The following PRRX2 variants were observed in gnomAD, a reference collection of about 807,000 sequenced individuals.
PRRX2 encodes paired related homeobox 2.
Under a neutral mutation model 18.0 loss-of-function variants are expected in PRRX2, and 11 were observed. The observed-to-expected ratio is 0.61, with a 90% CI of 0.39 to 1.01. The LOEUF is 1.01. Among genes scored for constraint, PRRX2 ranks in the 50% least tolerant of loss-of-function variants. The pLI is 0.01. For missense variants in PRRX2, 387 were observed against 351.0 expected (o/e 1.10, Z -0.82); for synonymous variants, 177 against 154.8 (o/e 1.14, Z -1.06).
rs1832691762 is a variant in PRRX2, at chr9:129,715,437, A to G, written c.260-3794A>G. ...TAAGACCTCATCTCTACATTAAAAT[A>G]AAAATCAGCTGGGCATGGTGGCAGG... On this transcript the variant is annotated intron_variant, in intron 1 of 3. Transcript: ENST00000372469. The surrounding 1 kb of genome is among the most constrained non-coding windows in gnomAD (Gnocchi z 4.0). Among the ~76,000 whole-genome samples the G allele has an allele frequency of 6.6e-6, 1 of 152,064 alleles. No individual in the cohort carries two copies. The highest frequency in any genetic ancestry group is 1.5e-5 in the Non-Finnish European group (1 of 68,012).
In PRRX2 at chr9:129,690,610, G is replaced by A. The variant is rs187697984; in HGVS notation, c.259+24484G>A. 3.4e-3 allele frequency among the ~76,000 whole-genome samples: 508 copies of A among 151,466 alleles called. 10 individuals carry two copies. Among genetic ancestry groups the A allele is most frequent in the Admixed American group, 0.022 (335 of 15,174 alleles). On this transcript the variant is annotated intron_variant, in intron 1 of 3. Coordinates refer to ENST00000372469, the MANE Select transcript of PRRX2 (RefSeq NM_016307.4). ...CAGTCTCCGCCTCCTGGGTTCAAGC[G>A]ATTCTCCTGCCTCAGCCTCCTGAGT...
At chr9:129,698,332 G>A (rs185705111) in intron 1 of PRRX2, among the ~76,000 whole-genome samples, 1 of 151,944 alleles carries the variant, frequency 6.6e-6, no homozygotes, top group Admixed American at 6.5e-5. Context: ...AAGACCAGGC[G>A]GTGGTGCTGC....
chr9:129,717,361 C>T (rs919863762), intron 1 of PRRX2, among the ~76,000 whole-genome samples: 4 of 152,026 alleles, frequency 2.6e-5, no homozygotes, highest in Admixed American at 6.6e-5. Context: ...TGAGCCACCG[C>T]GCCTGGCCAT....
At position 129,666,120 on chromosome 9, in the gene PRRX2, C is replaced by T; in HGVS notation, c.253C>T (p.Gln85Ter). ...GGSSGSEAAP[Q>*]DGECPSPGRG... ...CAGCAGCGGCAGCGAGGCGGCGCCG[C>T]AGGATGGTGAGTACGGCCGGCCAGG... is the stretch of plus-strand genomic sequence containing the variant. Residue 85 changes from glutamine to a stop codon, truncating the protein, a stop_gained, in exon 1 of 4, where the codon CAG (glutamine) becomes TAG (stop). Transcript: ENST00000372469. LOFTEE classifies it high-confidence loss of function. The T allele has an allele frequency of 9.9e-7, 1 of 1,014,132 alleles. No homozygotes were observed. Among genetic ancestry groups the T allele is most frequent in the Non-Finnish European group, 1.2e-6 (1 of 852,936 alleles). 62.8% of individuals were successfully genotyped at this position (1,014,132 alleles called of 1,614,324 possible).
chr9:129,712,515 A>G (rs1832637685), intron 1 of PRRX2, among the ~76,000 whole-genome samples: 1 of 152,214 alleles, frequency 6.6e-6, no homozygotes, highest in Non-Finnish European at 1.5e-5. Flanking sequence ...GAGTTTTTAA[A>G]TGCCTTTGGC....
At chr9:129,689,323 T>C (rs1174039570) in intron 1 of PRRX2, among the ~76,000 whole-genome samples, 1 of 152,202 alleles carries the variant, frequency 6.6e-6, no homozygotes, top group Non-Finnish European at 1.5e-5. Flanking sequence ...GAGTAAGTGA[T>C]AATGCTTGTC....
intron 1 of PRRX2, 105 bp downstream of exon 1, chr9:129,666,231 G>A: frequency 2.2e-6 from 2 of 893,696 alleles, no homozygotes; most frequent in Non-Finnish European, 2.7e-6. Context: ...GATGCAGGGC[G>A]CGTGGTCGGC....
Position 129,709,237 on chromosome 9 carries a change from C to G in PRRX2, c.260-9994C>G, listed in dbSNP as rs905089811. 3.9e-5 allele frequency among the ~76,000 whole-genome samples: 6 copies of G among 152,230 alleles called. No individual in the cohort carries two copies. The highest frequency in any genetic ancestry group is 1.4e-4 in the African/African-American group (6 of 41,462). On this transcript the variant is annotated intron_variant, in intron 1 of 3. Coordinates refer to ENST00000372469, the MANE Select transcript of PRRX2 (RefSeq NM_016307.4). The surrounding 1 kb of genome is among the most constrained non-coding windows in gnomAD (Gnocchi z 4.2). The stretch of plus-strand genomic sequence containing the variant: ...GCAGCTCCTGCTGGGTCACTGGCCC[C>G]TCCGCTTTCTTGTGGGTCTGGTGGC...
intron 1 of PRRX2, among the ~76,000 whole-genome samples, chr9:129,714,488 G>C (rs183834254): frequency 6.6e-6 from 1 of 151,958 alleles, no homozygotes; most frequent in Non-Finnish European, 1.5e-5. Context: ...GTGGCCACAC[G>C]TGGAGCACTT....
chr9:129,670,373 A>AT (rs1291021669), intron 1 of PRRX2, among the ~76,000 whole-genome samples: 3 of 151,704 alleles, frequency 2.0e-5, no homozygotes, highest in African/African-American at 4.8e-5. Flanking sequence ...TCTACCTTTA[A>AT]TTTTTTTATT....
At chr9:129,700,965 CA>C (rs1187144529) in intron 1 of PRRX2, among the ~76,000 whole-genome samples, 1 of 152,150 alleles carries the variant, frequency 6.6e-6, no homozygotes, top group South Asian at 2.1e-4. Context: ...AACTTGGTAG[CA>C]AAAAGGTTCC....
In PRRX2 at chr9:129,713,475, C is replaced by T. The variant is rs1448727143; in HGVS notation, c.260-5756C>T. On this transcript the variant is annotated intron_variant, in intron 1 of 3. Transcript: ENST00000372469. ...CCATGGCATCTCCTGACCCCGCCCA[C>T]CCATGGGATCAGAGAGCTGGGACTG... 3.9e-5 allele frequency among the ~76,000 whole-genome samples: 6 copies of T among 152,270 alleles called. No individual in the cohort carries two copies. The South Asian group carries it at 1.2e-3, about 32-fold the overall frequency.
At position 129,715,750 on chromosome 9, in the gene PRRX2, T is replaced by TCTCTCTCTCTCTCACA. The variant is rs762929485; in HGVS notation, c.260-3480_260-3479insTCTCTCTCTCTCACAC. 1.4e-3 allele frequency among the ~76,000 whole-genome samples: 193 copies of TCTCTCTCTCTCTCACA among 138,942 alleles called. 1 individual carries two copies. In the East Asian group the frequency reaches 0.024, roughly 18 times the overall value. The allele number at this position is 138,942 out of a possible 152,430, so 91.2% of individuals were successfully genotyped here. Reference sequence around the variant, plus strand: ...AAACCCAGCTTCAGGGACATCTTTCTCACACACACACACACACACACACAC... The same window carrying TCTCTCTCTCTCTCACA: ...AAACCCAGCTTCAGGGACATCTTTCTCTCTCTCTCTCTCACACACACACACACACACACACACACAC... On this transcript the variant is annotated intron_variant, in intron 1 of 3. Coordinates refer to ENST00000372469, the MANE Select transcript of PRRX2 (RefSeq NM_016307.4). This position sits in a 1 kb window ranked among gnomAD's most constrained non-coding sequence, Gnocchi z 4.0.
chr9:129,711,844 A>T lies in PRRX2; in HGVS notation c.260-7387A>T, dbSNP rs533511442. ...TAGGCGGTACTGCCTTCCATTCCTT[A>T]CTGGGGGAGGTGAGAATCCTCCCTC... On this transcript the variant is annotated intron_variant, in intron 1 of 3. Coordinates refer to ENST00000372469, the MANE Select transcript of PRRX2 (RefSeq NM_016307.4). Among the ~76,000 whole-genome samples the T allele has an allele frequency of 5.9e-5, 9 of 152,094 alleles. No individual in the cohort carries two copies. The East Asian group carries it at 1.4e-3, about 23-fold the overall frequency.
chr9:129,687,222 CTA>C (rs1832308910), intron 1 of PRRX2, among the ~76,000 whole-genome samples: 1 of 152,080 alleles, frequency 6.6e-6, no homozygotes, highest in Non-Finnish European at 1.5e-5. Flanking sequence ...ATCACCAACT[CTA>C]TAAAACATTA....
intron 1 of PRRX2, among the ~76,000 whole-genome samples, chr9:129,698,027 A>T (rs1303072416): frequency 6.6e-6 from 1 of 151,810 alleles, no homozygotes; most frequent in East Asian, 2.0e-4. Context: ...CAAGGGCTTC[A>T]TTGAGGCCGG....
intron 1 of PRRX2, chr9:129,718,523 C>T (rs1832743998): frequency 6.6e-6 from 1 of 152,322 alleles, no homozygotes; most frequent in Admixed American, 6.5e-5. Context: ...GAAGGCTGCT[C>T]TCAACAGCTG....
At position 129,715,750 on chromosome 9, in the gene PRRX2, T is replaced by TCTCTCTCTCTCTCACACACACACA. The variant is rs762929485; in HGVS notation, c.260-3480_260-3479insTCTCTCTCTCTCACACACACACAC. 2.2e-5 allele frequency among the ~76,000 whole-genome samples: 3 copies of TCTCTCTCTCTCTCACACACACACA among 138,862 alleles called. No individual in the cohort carries two copies. The highest frequency in any genetic ancestry group is 8.2e-5 in the African/African-American group (3 of 36,808). The allele number at this position is 138,862 out of a possible 152,430, so 91.1% of individuals were successfully genotyped here. On this transcript the variant is annotated intron_variant, in intron 1 of 3. Transcript: ENST00000372469. The surrounding 1 kb of genome is among the most constrained non-coding windows in gnomAD (Gnocchi z 4.0). Reference sequence around the variant, plus strand: ...AAACCCAGCTTCAGGGACATCTTTCTCACACACACACACACACACACACAC... The same window carrying TCTCTCTCTCTCTCACACACACACA: ...AAACCCAGCTTCAGGGACATCTTTCTCTCTCTCTCTCTCACACACACACACACACACACACACACACACACACAC...
chr9:129,711,958 TC>T (rs1168504196), intron 1 of PRRX2, among the ~76,000 whole-genome samples: 3 of 152,126 alleles, frequency 2.0e-5, no homozygotes, highest in Admixed American at 6.6e-5. Context: ...TGAGCCCTTC[TC>T]CCAGGGGCCC....
Sources: allele counts gnomAD v4.1 joint callset (sites outside exome capture counted in the v4.1 genomes callset), GRCh38; gene constraint gnomAD v4.1.1; non-coding constraint Gnocchi (gnomAD v3.1); transcripts MANE v1.5; gene names NCBI Gene and HGNC (gene_info 2026-07-23, HGNC 2026-07-21).